FADS3: variants seen among roughly 807,000 people sequenced by gnomAD.
The protein encoded by FADS3 is cytochrome b5-related protein.
A neutral mutation model predicts 60.4 loss-of-function variants in FADS3; 30 were observed. The ratio of observed to expected loss-of-function variants is 0.50; its 90% CI spans 0.37 to 0.67. FADS3 has a LOEUF of 0.67. Among genes scored for constraint, FADS3 ranks in the 30% least tolerant of loss-of-function variants. The pLI is 0.00. For synonymous variants in FADS3, 234 were observed against 249.3 expected (o/e 0.94, Z 0.58); for missense variants, 432 against 598.3 (o/e 0.72, Z 2.90).
chr11:61,873,664 G>A lies in FADS3; in HGVS notation c.*150C>T. The A allele has an allele frequency of 1.5e-6, 1 of 686,504 alleles. No individual in the cohort carries two copies. The allele number at this position is 686,504 out of a possible 1,614,324, so 42.5% of individuals were successfully genotyped here. ...GGCCATAGGGCTGCTGAATACACAT[G>A]TGAGGGGGCCGAGGGGAAGACAACA... On this transcript the variant is annotated 3_prime_UTR_variant, in exon 12 of 12. Coordinates refer to ENST00000278829, the MANE Select transcript of FADS3 (RefSeq NM_021727.5).
At chr11:61,882,293 T>A (rs1938164688) in intron 1 of FADS3, 1 of 151,738 alleles carries the variant, frequency 6.6e-6, no homozygotes, top group Non-Finnish European at 1.5e-5. Flanking sequence ...TATTTTTATT[T>A]TTTGTAGAGA....
Position 61,877,360 on chromosome 11 carries a change from T to C in FADS3, c.885+151A>G. The stretch of plus-strand genomic sequence containing the variant: ...CTCGCTCTCCTGCTGCGCGCACACA[T>C]GTGAGCCACACTGTTGCACGCATAC... On this transcript the variant is annotated intron_variant, in intron 7 of 11. Transcript: ENST00000278829. The surrounding 1 kb of genome is among the most constrained non-coding windows in gnomAD (Gnocchi z 4.7). 1 of 511,270 alleles carries C rather than the reference T, an allele frequency of 2.0e-6. No individual in the cohort carries two copies. The highest frequency in any genetic ancestry group is 1.8e-5 in the South Asian group (1 of 56,228). The allele number at this position is 511,270 out of a possible 1,614,324, so 31.7% of individuals were successfully genotyped here.
chr11:61,878,735 C>T lies in FADS3; in HGVS notation c.624+11G>A. 6.2e-7 allele frequency: 1 copy of T among 1,613,606 alleles called. No homozygotes were observed. Among genetic ancestry groups the T allele is most frequent in the East Asian group, 2.2e-5 (1 of 44,878 alleles). On this transcript the variant is annotated intron_variant, in intron 4 of 11. Transcript: ENST00000278829. ...ACCCAGCACCTGGCTGACCACCCAC[C>T]CCACCCTCACCTTTAGCTGCCCCAT...
intron 1 of FADS3, among the ~76,000 whole-genome samples, chr11:61,885,692 C>T (rs116139751): frequency 0.073 from 11,112 of 152,160 alleles, 446 homozygotes; most frequent in African/African-American, 0.096. Context: ...CTAGGAGAAT[C>T]AAGAATGTGC....
Position 61,875,958 on chromosome 11 carries a change from C to T in FADS3, c.1179G>A (p.Pro393=), listed in dbSNP as rs531494466. Reference sequence around the variant, plus strand: ...GGGCCACCCGGCTGTAGTTGTGTCTCGGCATCCTGGGGAAGAGGCTGGGGG... The same window carrying T: ...GGGCCACCCGGCTGTAGTTGTGTCTTGGCATCCTGGGGAAGAGGCTGGGGG... ...QIEHHLFPRM[P]RHNYSRVAPL... is the part of the protein sequence containing the mutation. Residue 393 remains proline, a synonymous_variant, in exon 11 of 12, where the codon CCG becomes CCA. Transcript: ENST00000278829. 7.4e-6 allele frequency: 12 copies of T among 1,613,760 alleles called. No individual in the cohort carries two copies. The highest frequency in any genetic ancestry group is 5.5e-5 in the South Asian group (5 of 91,082).
In FADS3 at chr11:61,877,830, C is replaced by T. The variant is rs925514546; in HGVS notation, c.809-243G>A. ...GCCAGACTTGAGTCCTCACTCTGTC[C>T]GCCCCAACAACTGCCCAAAGACTCT... On this transcript the variant is annotated intron_variant, in intron 6 of 11. Transcript: ENST00000278829. The surrounding 1 kb of genome is among the most constrained non-coding windows in gnomAD (Gnocchi z 4.7). 5 of 595,222 alleles carry T rather than the reference C, an allele frequency of 8.4e-6. No homozygotes were observed. The highest frequency in any genetic ancestry group is 2.8e-5 in the East Asian group (1 of 36,016). The allele number at this position is 595,222 out of a possible 1,614,324, so 36.9% of individuals were successfully genotyped here.
intron 1 of FADS3, among the ~76,000 whole-genome samples, chr11:61,890,763 T>C (rs1204507242): frequency 6.6e-6 from 1 of 152,160 alleles, no homozygotes; most frequent in African/African-American, 2.4e-5. Context: ...CCCCAGCCTC[T>C]AATGGCATGT....
In FADS3 at chr11:61,877,564, C is replaced by T. The variant is rs2135992135; in HGVS notation, c.832G>A (p.Val278Met). 1 of 1,613,790 alleles carries T rather than the reference C, an allele frequency of 6.2e-7. No individual in the cohort carries two copies. The highest frequency in any genetic ancestry group is 2.2e-5 in the East Asian group (1 of 44,878). ...FLIGPPLLTLVNFEVENLAYM... is the reference protein window; with the variant it reads ...FLIGPPLLTLMNFEVENLAYM... ...GCCAGATTTTCCACTTCAAAGTTCA[C>T]CAGGGTGAGCAGCGGCGGGCCGACT... The change falls in exon 7 of 12, where the codon GTG becomes ATG. Residue 278 changes from valine (V) to methionine (M), a missense_variant. By Grantham distance (21) the Val-to-Met change is conservative. Transcript: ENST00000278829. The surrounding 1 kb of genome is among the most constrained non-coding windows in gnomAD (Gnocchi z 4.7).
In FADS3 at chr11:61,873,752, C is replaced by T. The variant is rs576636252; in HGVS notation, c.*62G>A. 46 of 1,331,794 alleles carry T rather than the reference C, an allele frequency of 3.5e-5. No individual in the cohort carries two copies. Among genetic ancestry groups the T allele is most frequent in the African/African-American group, 1.3e-4 (9 of 69,454 alleles). The allele number at this position is 1,331,794 out of a possible 1,614,324, so 82.5% of individuals were successfully genotyped here. A position where few individuals can be genotyped will look rare whatever the true frequency, so the allele number is the denominator to read the frequency against. On this transcript the variant is annotated 3_prime_UTR_variant, in exon 12 of 12. Coordinates refer to ENST00000278829, the MANE Select transcript of FADS3 (RefSeq NM_021727.5). The stretch of plus-strand genomic sequence containing the variant: ...AGTGGAGGGGTGAGGGTATCGATCC[C>T]GCCGGGGGCTGGCTTGGTTGCTGGT...
chr11:61,891,316 G>A lies in FADS3; in HGVS notation c.66C>T (p.Thr22=). ...GCGCGCGGATCTGCTCCCAGCAGAA[G>A]GTGGGCAGCGGCGCCCCCGGCTGCG... is the stretch of plus-strand genomic sequence containing the variant. ...GPAQPGAPLP[T]FCWEQIRAHD... The change falls in exon 1 of 12, where the codon ACC becomes ACT. Residue 22 remains threonine, a synonymous_variant. Coordinates refer to ENST00000278829, the MANE Select transcript of FADS3 (RefSeq NM_021727.5). 6.6e-7 allele frequency: 1 copy of A among 1,523,478 alleles called. No homozygotes were observed. The allele number at this position is 1,523,478 out of a possible 1,614,324, so 94.4% of individuals were successfully genotyped here.
intron 6 of FADS3, 41 bp downstream of exon 6, chr11:61,878,114 C>T (rs1156977347): frequency 6.3e-7 from 1 of 1,587,936 alleles, no homozygotes. Flanking sequence ...CAGTGCAGGC[C>T]CAGGCACTCC....
intron 1 of FADS3, chr11:61,890,156 G>A (rs1386878569): frequency 1.5e-4 from 23 of 151,426 alleles, no homozygotes; most frequent in Admixed American, 1.5e-3. Flanking sequence ...AATTTCAGGA[G>A]GATTCTTATT....
intron 1 of FADS3, among the ~76,000 whole-genome samples, chr11:61,886,962 G>C (rs1487698966): frequency 6.6e-6 from 1 of 152,200 alleles, no homozygotes; most frequent in African/African-American, 2.4e-5. Context: ...TCCCACAGTT[G>C]TTAGGGCTTC....
At chr11:61,886,777 C>T (rs963080364) in intron 1 of FADS3, among the ~76,000 whole-genome samples, 2 of 152,254 alleles carry the variant, frequency 1.3e-5, no homozygotes, top group Admixed American at 6.5e-5. Context: ...TCAGTTACCA[C>T]ATCTAAACCC....
chr11:61,890,022 T>G (rs1938443921), intron 1 of FADS3, among the ~76,000 whole-genome samples: 1 of 151,892 alleles, frequency 6.6e-6, no homozygotes, highest in African/African-American at 2.4e-5. Flanking sequence ...TGCAAACACC[T>G]GCACGCTCAA....
At position 61,877,341 on chromosome 11, in the gene FADS3, C is replaced by T. The variant is rs1382931962; in HGVS notation, c.885+170G>A. ...ACGTACAGTCACGGGCACACTCGCTCTCCTGCTGCGCGCACACATGTGAGC... is the reference window on the plus strand; with the variant it reads ...ACGTACAGTCACGGGCACACTCGCTTTCCTGCTGCGCGCACACATGTGAGC... On this transcript the variant is annotated intron_variant, in intron 7 of 11. Transcript: ENST00000278829. This position sits in a 1 kb window ranked among gnomAD's most constrained non-coding sequence, Gnocchi z 4.7. 4.8e-6 allele frequency: 2 copies of T among 420,092 alleles called. No homozygotes were observed. The highest frequency in any genetic ancestry group is 9.0e-6 in the Non-Finnish European group (2 of 222,016). The allele number at this position is 420,092 out of a possible 1,614,324, so 26.0% of individuals were successfully genotyped here.
rs1288709642 is a variant in FADS3 at position 61,891,294 on chromosome 11, C to T, written c.88G>A (p.Ala30Thr). The T allele has an allele frequency of 6.5e-7, 1 of 1,535,108 alleles. No individual in the cohort carries two copies. Among genetic ancestry groups the T allele is most frequent in the Non-Finnish European group, 8.7e-7 (1 of 1,145,618 alleles). ...CACTTGTCGCCGGGCTGGTCGTGCG[C>T]GCGGATCTGCTCCCAGCAGAAGGTG... is the stretch of plus-strand genomic sequence containing the variant. ...LPTFCWEQIR[A>T]HDQPGDKWLV... Residue 30 changes from alanine (A) to threonine (T), a missense_variant, in exon 1 of 12, where the codon GCG becomes ACG. Ala to Thr is a moderately conservative substitution (Grantham distance 58). This residue lies in a region of FADS3 where 167 missense variants were observed against 188.8 expected (regional missense o/e 0.88). Transcript: ENST00000278829.
rs926336050 is a variant in FADS3 at position 61,876,702 on chromosome 11, G to C, written c.983+164C>G. ...CCAGGCCACGCTCCCTAAACCCACC[G>C]ACCCTGGGCTCCTGCCACGCTTGTG... On this transcript the variant is annotated intron_variant, in intron 8 of 11. Transcript: ENST00000278829. The surrounding 1 kb of genome is among the most constrained non-coding windows in gnomAD (Gnocchi z 5.7). 1.4e-6 allele frequency: 1 copy of C among 724,676 alleles called. No homozygotes were observed. The highest frequency in any genetic ancestry group is 2.1e-5 in the Admixed American group (1 of 47,362). 44.9% of individuals were successfully genotyped at this position (724,676 alleles called of 1,614,324 possible). A position where few individuals can be genotyped will look rare whatever the true frequency, so the allele number is the denominator to read the frequency against.
chr11:61,879,378 A>C lies in FADS3; in HGVS notation c.456T>G (p.Leu152=). ...ILAMEVLAWL[L]IYLLGPGWVP... is the part of the protein sequence containing the mutation. ...CCCAGCCAGGACCCAGGAGGTAGAT[A>C]AGGAGCCAGGCCAGCACCTCCATGG... Residue 152 remains leucine (L), a synonymous_variant, in exon 3 of 12, where the codon CTT becomes CTG. Coordinates refer to ENST00000278829, the MANE Select transcript of FADS3 (RefSeq NM_021727.5). 4 of 1,573,642 alleles carry C rather than the reference A, an allele frequency of 2.5e-6. No individual in the cohort carries two copies. Among genetic ancestry groups the C allele is most frequent in the Non-Finnish European group, 3.4e-6 (4 of 1,159,668 alleles).
Sources: gnomAD v4.1 joint callset for allele counts (sites outside exome capture counted in the v4.1 genomes callset) on GRCh38, gnomAD v4.1.1 for gene constraint, gnomAD v4.1.1 regional missense constraint, Gnocchi (gnomAD v3.1) non-coding constraint, MANE v1.5 for transcripts, NCBI Gene and HGNC (gene_info 2026-07-23, HGNC 2026-07-21) for gene names.